POU2F1: variants seen among roughly 807,000 people sequenced by gnomAD.
POU2F1 encodes POU class 2 homeobox 1.
POU2F1 carries 16 observed loss-of-function variants against 84.9 expected under a neutral mutation model. The ratio of observed to expected loss-of-function variants is 0.19; its 90% CI spans 0.13 to 0.29. The LOEUF is 0.29. Ranked by LOEUF, POU2F1 falls within the 10% of genes least tolerant of loss-of-function variation. POU2F1 has a pLI of 1.00. For missense variants in POU2F1, 738 were observed against 942.6 expected (o/e 0.78, Z 2.84); for synonymous variants, 368 against 368.3 (o/e 1.00, Z 0.01).
chr1:167,272,825 A>C (rs761332481), intron 1 of POU2F1, among the ~76,000 whole-genome samples: 9 of 152,244 alleles, frequency 5.9e-5, no homozygotes, highest in Non-Finnish European at 1.3e-4. Context: ...CCAATCTCTC[A>C]TGTCCTTCTC....
chr1:167,374,561 C>T (rs1030178389), intron 6 of POU2F1, among the ~76,000 whole-genome samples: 3 of 152,126 alleles, frequency 2.0e-5, no homozygotes, highest in Non-Finnish European at 2.9e-5. Context: ...AATTAGCTGG[C>T]ATATTTTTGA....
chr1:167,414,228 A>G (rs762853792), intron 15 of POU2F1: 135 of 749,738 alleles, frequency 1.8e-4, no homozygotes, highest in Non-Finnish European at 2.2e-4. Context: ...TTGTTATATA[A>G]TAATTTTTTT....
Position 167,412,060 on chromosome 1 carries a change from G to C in POU2F1, c.1657G>C (p.Ala553Pro), listed in dbSNP as rs1272847997. ...CCCCTCTCTGAGTCCCTCCCCTTCT[G>C]CCTCAGCCTCCACCTCCGAGGCATC... ...TSPSLSPSPSASASTSEASSA... is the reference protein window; with the variant it reads ...TSPSLSPSPSPSASTSEASSA... The change falls in exon 14 of 16, where the codon GCC becomes CCC. Residue 553 changes from alanine to proline, a missense_variant. Physicochemically the swap from Ala to Pro is conservative, Grantham distance 27. Coordinates refer to ENST00000367866, the MANE Select transcript of POU2F1 (RefSeq NM_002697.4). The C allele has an allele frequency of 1.9e-6, 3 of 1,614,078 alleles. No individual in the cohort carries two copies. The highest frequency in any genetic ancestry group is 1.1e-5 in the South Asian group (1 of 91,074).
chr1:167,309,724 A>T (rs1655330684), intron 1 of POU2F1, among the ~76,000 whole-genome samples: 3 of 152,182 alleles, frequency 2.0e-5, no homozygotes, highest in Admixed American at 1.3e-4. Flanking sequence ...TGAGATTTTT[A>T]AAATTAAGCT....
At chr1:167,389,428 G>C (rs1648221638) in intron 8 of POU2F1, among the ~76,000 whole-genome samples, 160 bp from the exon 9 acceptor site, 1 of 152,022 alleles carries the variant, frequency 6.6e-6, no homozygotes, top group Non-Finnish European at 1.5e-5. Flanking sequence ...TAATTTCACT[G>C]TCTGCTTTGC....
At chr1:167,382,623 A>G (rs6659782) in intron 7 of POU2F1, among the ~76,000 whole-genome samples, 3,062 of 152,256 alleles carry the variant, frequency 0.02, 107 homozygotes, top group African/African-American at 0.069. Flanking sequence ...CTATAGGGAG[A>G]CACTTGGGGA....
chr1:167,221,197 C>T (rs1009197200), intron 1 of POU2F1, among the ~76,000 whole-genome samples: 7 of 151,588 alleles, frequency 4.6e-5, no homozygotes, highest in African/African-American at 1.2e-4. Flanking sequence ...CACTGCCCTC[C>T]TCCTGCACCC....
At chr1:167,292,096 G>A (rs1259125740) in intron 1 of POU2F1, among the ~76,000 whole-genome samples, 1 of 152,118 alleles carries the variant, frequency 6.6e-6, no homozygotes, top group Non-Finnish European at 1.5e-5. Flanking sequence ...TTGAGACTGT[G>A]TGAGGCGGGG....
chr1:167,353,585 C>T (rs1277722704), intron 2 of POU2F1, among the ~76,000 whole-genome samples: 4 of 152,154 alleles, frequency 2.6e-5, no homozygotes, highest in Admixed American at 1.3e-4. Flanking sequence ...ATCATCCTCA[C>T]GCTGTCCCGC....
chr1:167,317,610 G>T (rs1445836186), intron 1 of POU2F1, among the ~76,000 whole-genome samples: 1 of 152,214 alleles, frequency 6.6e-6, no homozygotes, highest in African/African-American at 2.4e-5. Context: ...GTTATCTGCA[G>T]CAGGAACATG....
chr1:167,287,907 A>G (rs781685001), intron 1 of POU2F1, among the ~76,000 whole-genome samples: 2 of 152,224 alleles, frequency 1.3e-5, no homozygotes, highest in Non-Finnish European at 2.9e-5. Flanking sequence ...AAAAAAATAG[A>G]TGATTGATCA....
chr1:167,417,505 T>C lies in POU2F1; in HGVS notation c.*1695T>C, dbSNP rs1412674804. The C allele has an allele frequency of 3.3e-5, 5 of 152,260 alleles. No individual in the cohort carries two copies. 9.4% of individuals were successfully genotyped at this position (152,260 alleles called of 1,614,324 possible). ...AACTTGGAGATTAAATTCCTTTTTT[T>C]GTCAGTGTACTGTTGTTATGCCATC... On this transcript the variant is annotated 3_prime_UTR_variant, in exon 16 of 16. Transcript: ENST00000367866.
intron 2 of POU2F1, among the ~76,000 whole-genome samples, chr1:167,343,067 T>C: frequency 6.6e-6 from 1 of 152,164 alleles, no homozygotes; most frequent in East Asian, 1.9e-4. Context: ...AGGATATGGC[T>C]TCTACAAGAT....
rs1454928808 is a variant in POU2F1, at chr1:167,220,923, A to G, written c.26A>G (p.Gln9Arg). Residue 9 changes from glutamine to arginine, a missense_variant, in exon 1 of 16, where the codon CAA becomes CGA. By Grantham distance (43) the Gln-to-Arg change is conservative. Around this residue, in one of 4 missense-constraint regions of POU2F1, gnomAD observed 161 missense variants for 147.0 expected, o/e 1.10. Coordinates refer to ENST00000367866, the MANE Select transcript of POU2F1 (RefSeq NM_002697.4). ...ATGGCGGACGGAGGAGCAGCGAGTC[A>G]AGATGAGAGTTCAGCCGCGGCGGCA... is the stretch of plus-strand genomic sequence containing the variant. MADGGAASQDESSAAAAAA... is the reference protein window; with the variant it reads MADGGAASRDESSAAAAAA... The G allele has an allele frequency of 1.3e-6, 2 of 1,535,402 alleles. No individual in the cohort carries two copies. Among genetic ancestry groups the G allele is most frequent in the Non-Finnish European group, 8.7e-7 (1 of 1,146,796 alleles).
chr1:167,365,386 G>T, intron 2 of POU2F1, 81 bp from the exon 3 acceptor site: 1 of 1,052,646 alleles, frequency 9.5e-7, no homozygotes, highest in South Asian at 1.8e-5. Context: ...ATAGGTGCCT[G>T]ATGAATGTTG....
chr1:167,254,879 A>G (rs920403197), intron 1 of POU2F1, among the ~76,000 whole-genome samples: 9 of 152,344 alleles, frequency 5.9e-5, no homozygotes, highest in Admixed American at 2.0e-4. Context: ...AAGACTTACT[A>G]TTCATTTGCC....
chr1:167,312,385 G>A (rs1655560185), intron 1 of POU2F1, among the ~76,000 whole-genome samples: 1 of 151,990 alleles, frequency 6.6e-6, no homozygotes, highest in African/African-American at 2.4e-5. Context: ...ACCACGCCCA[G>A]CTAATTTTTG....
intron 7 of POU2F1, 111 bp from the exon 8 acceptor site, chr1:167,383,746 C>A: frequency 1.2e-6 from 1 of 854,306 alleles, no homozygotes; most frequent in Non-Finnish European, 1.9e-6. Context: ...ACCAGTAAGA[C>A]TACCAGAGAT....
intron 2 of POU2F1, among the ~76,000 whole-genome samples, chr1:167,362,262 C>G (rs1487436160): frequency 6.6e-6 from 1 of 152,220 alleles, no homozygotes; most frequent in African/African-American, 2.4e-5. Flanking sequence ...TTAAATTCCT[C>G]TATTTATCTG....
Sources: allele counts gnomAD v4.1 joint callset (sites outside exome capture counted in the v4.1 genomes callset), GRCh38; gene constraint gnomAD v4.1.1; regional missense constraint gnomAD v4.1.1; transcripts MANE v1.5; gene names NCBI Gene and HGNC (gene_info 2026-07-23, HGNC 2026-07-21).